The following FAM13A variants were observed in gnomAD, a reference collection of about 807,000 sequenced individuals.
FAM13A encodes family with sequence similarity 13 member A.
A neutral mutation model predicts 129.6 loss-of-function variants in FAM13A; 76 were observed. The ratio of observed to expected loss-of-function variants is 0.59; its 90% CI spans 0.49 to 0.71. The LOEUF (loss-of-function observed/expected upper bound fraction) is 0.71. Among genes scored for constraint, FAM13A ranks in the 30% least tolerant of loss-of-function variants. The pLI, the probability that FAM13A is intolerant of heterozygous loss-of-function variation, is 0.00. For synonymous variants in FAM13A, 443 were observed against 449.9 expected (o/e 0.98, Z 0.20); for missense variants, 1,108 against 1,249.3 (o/e 0.89, Z 1.70).
chr4:88,984,387 C>A (rs550829844), intron 4 of FAM13A, among the ~76,000 whole-genome samples: 1 of 152,140 alleles, frequency 6.6e-6, no homozygotes, highest in Non-Finnish European at 1.5e-5. Context: ...ATTTACAAGT[C>A]CTGTACCTGA....
intron 1 of FAM13A, among the ~76,000 whole-genome samples, chr4:89,045,735 G>C (rs1770754942): frequency 6.6e-6 from 1 of 152,104 alleles, no homozygotes; most frequent in South Asian, 2.1e-4. Flanking sequence ...AAGAAAGTAT[G>C]AGCCAAGGCA....
At chr4:88,793,503 C>A (rs142906962) in intron 8 of FAM13A, among the ~76,000 whole-genome samples, 1 of 152,024 alleles carries the variant, frequency 6.6e-6, no homozygotes, top group East Asian at 1.9e-4. Context: ...ATTTCAAGTT[C>A]TTTTAATAGA....
intron 5 of FAM13A, among the ~76,000 whole-genome samples, chr4:88,933,970 A>G (rs1288483354): frequency 6.6e-6 from 1 of 152,098 alleles, no homozygotes; most frequent in South Asian, 2.1e-4. Context: ...TTTCGTTTCA[A>G]TTCCATCTTG....
intron 5 of FAM13A, among the ~76,000 whole-genome samples, chr4:88,933,526 A>G (rs1753375419): frequency 2.0e-5 from 3 of 152,044 alleles, no homozygotes; most frequent in Admixed American, 2.0e-4. Flanking sequence ...TTTTCACTCC[A>G]GATAGCTCAA....
chr4:88,977,116 A>G (rs933136673), intron 4 of FAM13A, among the ~76,000 whole-genome samples: 4 of 152,212 alleles, frequency 2.6e-5, no homozygotes, highest in Non-Finnish European at 4.4e-5. Flanking sequence ...TGAATTTATA[A>G]ATGAGGTACA....
chr4:88,931,713 C>A (rs945818506), intron 5 of FAM13A, among the ~76,000 whole-genome samples: 14 of 152,130 alleles, frequency 9.2e-5, no homozygotes, highest in African/African-American at 3.1e-4. Context: ...TTTTTTTAAC[C>A]TCCAAATTCA....
chr4:88,878,341 T>C (rs1742970592), intron 6 of FAM13A, among the ~76,000 whole-genome samples: 1 of 149,934 alleles, frequency 6.7e-6, no homozygotes, highest in South Asian at 2.1e-4. Context: ...TTTGAGATTC[T>C]ATTTCTGTAA....
At chr4:89,020,841 G>T (rs1355883514) in intron 2 of FAM13A, among the ~76,000 whole-genome samples, 172 bp from the exon 3 acceptor site, 1 of 152,078 alleles carries the variant, frequency 6.6e-6, no homozygotes, top group Non-Finnish European at 1.5e-5. Flanking sequence ...AATAATAAAT[G>T]TTCATATCCA....
At chr4:88,730,071 A>G (rs1737323245) in intron 23 of FAM13A, 1 of 152,242 alleles carries the variant, frequency 6.6e-6, no homozygotes, top group Non-Finnish European at 1.5e-5. Flanking sequence ...GTTAAACTAA[A>G]CTGAAATACA....
At chr4:89,016,645 T>C (rs1766535445) in intron 3 of FAM13A, among the ~76,000 whole-genome samples, 1 of 152,186 alleles carries the variant, frequency 6.6e-6, no homozygotes, top group Non-Finnish European at 1.5e-5. Flanking sequence ...TTTATTGTTA[T>C]TTCTTTTGAG....
At chr4:89,040,717 C>A (rs1452867290) in intron 1 of FAM13A, among the ~76,000 whole-genome samples, 1 of 152,142 alleles carries the variant, frequency 6.6e-6, no homozygotes, top group South Asian at 2.1e-4. Context: ...ATGACCCATG[C>A]GGTCTGTGAT....
rs147198829 is a variant in FAM13A, at chr4:88,836,163, T to C, written c.1007+14857A>G. On this transcript the variant is annotated intron_variant, in intron 7 of 23. Transcript: ENST00000264344. Reference sequence around the variant, plus strand: ...TGTAAAAAAATTCATACATAAAAGATAGGACAATGTGAATGTACTTAATAC... The same window carrying C: ...TGTAAAAAAATTCATACATAAAAGACAGGACAATGTGAATGTACTTAATAC... Among the ~76,000 whole-genome samples the C allele has an allele frequency of 7.2e-5, 11 of 152,316 alleles. No homozygotes were observed. The East Asian group carries it at 2.1e-3, about 29-fold the overall frequency.
chr4:89,053,337 T>C (rs561744815), intron 1 of FAM13A, among the ~76,000 whole-genome samples: 226 of 152,322 alleles, frequency 1.5e-3, no homozygotes, highest in Non-Finnish European at 2.4e-3. Flanking sequence ...ACAGGACATT[T>C]GAACGTTAAA....
rs1005551538 is a variant in FAM13A, at chr4:88,753,687, G to A, written c.1727-3050C>T. 2.5e-6 allele frequency: 2 copies of A among 789,566 alleles called. 1 individual carries two copies. Among genetic ancestry groups the A allele is most frequent in the Admixed American group, 1.2e-4 (2 of 16,002 alleles). 48.9% of individuals were successfully genotyped at this position (789,566 alleles called of 1,614,324 possible). ...TATAATTTAAGGCTTCTATTCAAAA[G>A]AGTTATAAAATGACATGTAATACAC... On this transcript the variant is annotated intron_variant, in intron 14 of 23. Transcript: ENST00000264344.
At chr4:88,990,341 T>C (rs1241629334) in intron 4 of FAM13A, 1 of 152,200 alleles carries the variant, frequency 6.6e-6, no homozygotes, top group Non-Finnish European at 1.5e-5. Flanking sequence ...CTCTCTTAAC[T>C]AGAAGAATGT....
intron 21 of FAM13A, chr4:88,736,226 A>C (rs1052423960): frequency 6.6e-6 from 1 of 152,216 alleles, no homozygotes; most frequent in African/African-American, 2.4e-5. Context: ...GCATTTTCAT[A>C]AAACAAGTTC....
At chr4:88,961,347 C>CTTTTTTTTTTTTTTTTTTTTT (rs773764813) in intron 4 of FAM13A, among the ~76,000 whole-genome samples, 1 of 55,424 alleles carries the variant, frequency 1.8e-5, no homozygotes, top group Non-Finnish European at 3.4e-5. Flanking sequence ...TGGAATTTGC[C>CTTTTTTTTTTTTTTTTTTTTT]TTTTTTTTTT....
At chr4:88,867,221 C>A (rs529481225) in intron 6 of FAM13A, among the ~76,000 whole-genome samples, 2 of 152,302 alleles carry the variant, frequency 1.3e-5, no homozygotes, top group Admixed American at 1.3e-4. Flanking sequence ...ACCAAACTCA[C>A]AACTAACAGT....
intron 6 of FAM13A, among the ~76,000 whole-genome samples, chr4:88,882,918 G>A (rs947658931): frequency 9.2e-5 from 14 of 151,958 alleles, no homozygotes; most frequent in African/African-American, 3.1e-4. Flanking sequence ...AAAAGACAGA[G>A]GGACATTATA....
Sources: allele counts gnomAD v4.1 joint callset (sites outside exome capture counted in the v4.1 genomes callset), GRCh38; gene constraint gnomAD v4.1.1; transcripts MANE v1.5; gene names NCBI Gene and HGNC (gene_info 2026-07-23, HGNC 2026-07-21).